CNTN6: variants seen among roughly 807,000 people sequenced by gnomAD.
CNTN6 encodes contactin 6.
In CNTN6, 137 loss-of-function variants were observed where a neutral mutation model predicts 122.8. The observed-to-expected ratio is 1.12, with a 90% CI of 0.97 to 1.29. CNTN6 has a LOEUF of 1.29. Ranked by LOEUF, CNTN6 falls within the 50% of genes most tolerant of loss-of-function variation. The pLI is 0.00. For synonymous variants in CNTN6, 570 were observed against 426.0 expected (o/e 1.34, Z -4.16); for missense variants, 1,634 against 1,223.4 (o/e 1.34, Z -5.01).
At chr3:1,265,865 T>A (rs1261447237) in intron 4 of CNTN6, among the ~76,000 whole-genome samples, 1 of 150,652 alleles carries the variant, frequency 6.6e-6, no homozygotes, top group Non-Finnish European at 1.5e-5. Context: ...CTGTCTGTAC[T>A]ATGTTTTATT....
chr3:1,304,396 A>C (rs539545863), intron 7 of CNTN6, among the ~76,000 whole-genome samples: 2 of 152,152 alleles, frequency 1.3e-5, no homozygotes, highest in South Asian at 4.1e-4. Flanking sequence ...TGTAAGTTGC[A>C]TAAGTTGCAT....
Position 1,168,412 on chromosome 3 carries a change from G to A in CNTN6, c.55+20349G>A, listed in dbSNP as rs1238979459. Reference sequence around the variant, plus strand: ...TGAGACTCTGTATACAGGAGGTAGTGTAGAACACACCTCAGTGTCTTATCA... The same window carrying A: ...TGAGACTCTGTATACAGGAGGTAGTATAGAACACACCTCAGTGTCTTATCA... On this transcript the variant is annotated intron_variant, in intron 2 of 22. Coordinates refer to ENST00000446702, the MANE Select transcript of CNTN6 (RefSeq NM_001289080.2). Among the ~76,000 whole-genome samples, 3 of 149,384 alleles carry A rather than the reference G, an allele frequency of 2.0e-5. No homozygotes were observed. In the East Asian group the frequency reaches 5.9e-4, roughly 29 times the overall value.
chr3:1,153,630 C>G (rs1431308761), intron 2 of CNTN6, among the ~76,000 whole-genome samples: 1 of 152,158 alleles, frequency 6.6e-6, no homozygotes, highest in African/African-American at 2.4e-5. Context: ...TAAATACTCA[C>G]AGTCAGGCAC....
chr3:1,136,095 G>T (rs1192651248), intron 1 of CNTN6, among the ~76,000 whole-genome samples: 1 of 152,144 alleles, frequency 6.6e-6, no homozygotes, highest in Non-Finnish European at 1.5e-5. Context: ...ATAAGACAGA[G>T]AAAATTTAAT....
chr3:1,378,649 C>T (rs1710224436), intron 17 of CNTN6, among the ~76,000 whole-genome samples: 1 of 152,026 alleles, frequency 6.6e-6, no homozygotes, highest in Non-Finnish European at 1.5e-5. Context: ...ATTTCAGGTG[C>T]CACACAGAGC....
chr3:1,379,199 T>C (rs1308125641), intron 17 of CNTN6, among the ~76,000 whole-genome samples: 1 of 152,166 alleles, frequency 6.6e-6, no homozygotes, highest in Non-Finnish European at 1.5e-5. Context: ...GAATACTGTC[T>C]TTCCACGATT....
intron 17 of CNTN6, among the ~76,000 whole-genome samples, chr3:1,382,614 C>A (rs17038449): frequency 0.052 from 7,942 of 152,166 alleles, 250 homozygotes; most frequent in African/African-American, 0.077. Flanking sequence ...TTTAAAAATT[C>A]ATATCAAACC....
chr3:1,182,500 C>T (rs1164050437), intron 2 of CNTN6, among the ~76,000 whole-genome samples: 1 of 152,048 alleles, frequency 6.6e-6, no homozygotes. Context: ...GGATGACAAA[C>T]ATGTAGTTAT....
intron 1 of CNTN6, among the ~76,000 whole-genome samples, chr3:1,112,308 G>T (rs1045509988): frequency 6.6e-6 from 1 of 152,116 alleles, no homozygotes; most frequent in African/African-American, 2.4e-5. Context: ...TAGAAAAATT[G>T]AGACTCTCGA....
At chr3:1,121,900 A>G (rs868356934) in intron 1 of CNTN6, among the ~76,000 whole-genome samples, 17 of 152,066 alleles carry the variant, frequency 1.1e-4, no homozygotes, top group Non-Finnish European at 1.6e-4. Flanking sequence ...GAATATCAGC[A>G]TAATTAAGTG....
Position 1,383,150 on chromosome 3 carries a change from T to C in CNTN6, c.2375T>C (p.Val792Ala). The C allele has an allele frequency of 5.6e-6, 9 of 1,613,794 alleles. No individual in the cohort carries two copies. Among genetic ancestry groups the C allele is most frequent in the Non-Finnish European group, 7.6e-6 (9 of 1,179,686 alleles). The stretch of plus-strand genomic sequence containing the variant: ...GAAGGAGAAGGATCCCTGAGTACTG[T>C]GACCATTGTCTACTCTGGGGAAGAT... ...NNEGEGSLSTVTIVYSGEDEP... is the reference protein window; with the variant it reads ...NNEGEGSLSTATIVYSGEDEP... Residue 792 changes from valine to alanine, a missense_variant, in exon 18 of 23, where the codon GTG becomes GCG. By Grantham distance (64) the Val-to-Ala change is moderately conservative. Transcript: ENST00000446702.
intron 4 of CNTN6, 60 bp downstream of exon 4, chr3:1,228,053 AC>A (rs767087436): frequency 3.4e-5 from 51 of 1,490,160 alleles, no homozygotes; most frequent in Non-Finnish European, 4.0e-5. Context: ...CTTCTGATAC[AC>A]ACATTTTAAA....
At chr3:1,372,526 A>G (rs192704728) in intron 13 of CNTN6, 52 bp downstream of exon 13, 48 of 1,392,648 alleles carry the variant, frequency 3.4e-5, no homozygotes, top group East Asian at 1.4e-4. Context: ...AGTCTTTTAC[A>G]TGAATCACCA....
At chr3:1,201,630 T>C (rs576328625) in intron 2 of CNTN6, among the ~76,000 whole-genome samples, 2 of 152,324 alleles carry the variant, frequency 1.3e-5, no homozygotes, top group African/African-American at 4.8e-5. Flanking sequence ...GTTCCACTTC[T>C]AGAAAAGTTT....
At chr3:1,347,123 C>G (rs983535217) in intron 11 of CNTN6, among the ~76,000 whole-genome samples, 1 of 152,272 alleles carries the variant, frequency 6.6e-6, no homozygotes, top group African/African-American at 2.4e-5. Context: ...CCCAGTGTCA[C>G]TTAACTGTCA....
At chr3:1,351,102 C>G (rs1339226975) in intron 11 of CNTN6, among the ~76,000 whole-genome samples, 1 of 151,788 alleles carries the variant, frequency 6.6e-6, no homozygotes, top group Non-Finnish European at 1.5e-5. Flanking sequence ...GATGTGGCTC[C>G]TTCCACTCAC....
intron 1 of CNTN6, among the ~76,000 whole-genome samples, chr3:1,128,029 A>T (rs1429737548): frequency 6.6e-6 from 1 of 151,974 alleles, no homozygotes; most frequent in Non-Finnish European, 1.5e-5. Flanking sequence ...TTTCTAAATT[A>T]AGTGCATACC....
chr3:1,391,656 C>G (rs1694165974), intron 20 of CNTN6, among the ~76,000 whole-genome samples: 1 of 151,226 alleles, frequency 6.6e-6, no homozygotes, highest in Non-Finnish European at 1.5e-5. Flanking sequence ...CTAGAAAACC[C>G]CATTGTCTCA....
intron 12 of CNTN6, among the ~76,000 whole-genome samples, chr3:1,358,601 G>C (rs1191372874): frequency 6.6e-6 from 1 of 151,982 alleles, no homozygotes; most frequent in African/African-American, 2.4e-5. Context: ...GAATGGGGTT[G>C]AAGGGCGTGG....
Sources: allele counts gnomAD v4.1 joint callset (sites outside exome capture counted in the v4.1 genomes callset), GRCh38; gene constraint gnomAD v4.1.1; transcripts MANE v1.5; gene names NCBI Gene and HGNC (gene_info 2026-07-23, HGNC 2026-07-21).